The following RRAGB variants were observed in gnomAD, a reference collection of about 807,000 sequenced individuals.
The protein encoded by RRAGB is ras-related GTP-binding protein B.
Under a neutral mutation model 29.3 loss-of-function variants are expected in RRAGB, and 6 were observed. That is an observed-to-expected ratio of 0.21 (90% CI 0.11 to 0.40). RRAGB has a LOEUF of 0.40. Ranked by LOEUF, RRAGB falls within the 10% of genes least tolerant of loss-of-function variation. The probability of loss-of-function intolerance (pLI) is 1.00; values close to 1 mark genes in which losing one functional copy is unlikely to be tolerated. For missense variants in RRAGB, 184 were observed against 272.9 expected (o/e 0.67, Z 2.29); for synonymous variants, 101 against 92.5 (o/e 1.09, Z -0.53).
At chrX:55,746,589 T>C (rs1010981651) in intron 5 of RRAGB, among the ~76,000 whole-genome samples, 2 of 112,498 alleles carry the variant, frequency 1.8e-5, no homozygotes, top group African/African-American at 6.5e-5. Flanking sequence ...TTCATAGTCA[T>C]GATGAAAGAA....
chrX:55,732,298 C>G (rs1017514335), intron 5 of RRAGB, among the ~76,000 whole-genome samples: 1 of 112,110 alleles, frequency 8.9e-6, no homozygotes, highest in Non-Finnish European at 1.9e-5. Context: ...GTCATATAGT[C>G]TAGCTGCAAT....
chrX:55,737,194 G>A (rs1261514026), intron 5 of RRAGB, among the ~76,000 whole-genome samples: 4 of 112,301 alleles, frequency 3.6e-5, no homozygotes, highest in Non-Finnish European at 1.9e-5. Context: ...TCCCAGGCCA[G>A]CAGGAAAGCC....
intron 3 of RRAGB, among the ~76,000 whole-genome samples, chrX:55,722,798 G>A (rs954363245): frequency 1.6e-4 from 18 of 111,764 alleles, no homozygotes; most frequent in Admixed American, 7.6e-4. Flanking sequence ...TTCTGACTTA[G>A]GGAATATGTT....
intron 2 of RRAGB, among the ~76,000 whole-genome samples, chrX:55,720,846 C>T (rs184864354): frequency 0.014 from 1,570 of 109,833 alleles, 23 homozygotes; most frequent in Non-Finnish European, 0.022. Flanking sequence ...CCACAGCCCT[C>T]CAGCCTGGAT....
chrX:55,753,816 G>A (rs2034586588), intron 7 of RRAGB, among the ~76,000 whole-genome samples: 1 of 112,077 alleles, frequency 8.9e-6, no homozygotes, highest in South Asian at 3.7e-4. Flanking sequence ...AGGCCGAGGC[G>A]GGTGGATCAC....
intron 5 of RRAGB, among the ~76,000 whole-genome samples, chrX:55,747,742 T>C (rs2034291869): frequency 9.0e-6 from 1 of 111,410 alleles, no homozygotes; most frequent in African/African-American, 3.3e-5. Context: ...CATTAGGGCC[T>C]TTAAATCTAA....
rs899885688 is a variant in RRAGB, at chrX:55,755,103, C to T, written c.736-738C>T. On this transcript the variant is annotated intron_variant, in intron 7 of 9. Transcript: ENST00000374941. ...GATGTGACTGAACATTTTCACTGAG[C>T]GGGGTGAAGTCAAGCAAGGGGGATT... The T allele has an allele frequency of 2.0e-5, 15 of 750,601 alleles. No homozygotes were observed. In the Admixed American group the frequency reaches 4.4e-4, roughly 22 times the overall value. The allele number at this position is 750,601 out of a possible 1,213,427, so 61.9% of individuals were successfully genotyped here. A position where few individuals can be genotyped will look rare whatever the true frequency, so the allele number is the denominator to read the frequency against.
rs749737907 is a variant in RRAGB at position 55,731,600 on chromosome X, G to A, written c.516+14G>A. ...CAACGGGACCTGGTAAGAAACAGAA[G>A]AAGTGCTGCACCAAATGCTCGACAT... On this transcript the variant is annotated intron_variant, in intron 5 of 9. Coordinates refer to ENST00000374941, the MANE Select transcript of RRAGB (RefSeq NM_006064.5). 2.8e-6 allele frequency: 3 copies of A among 1,089,629 alleles called. No individual in the cohort carries two copies. The highest frequency in any genetic ancestry group is 6.1e-5 in the East Asian group (2 of 32,826). The allele number at this position is 1,089,629 out of a possible 1,213,427, so 89.8% of individuals were successfully genotyped here. A position where few individuals can be genotyped will look rare whatever the true frequency, so the allele number is the denominator to read the frequency against.
intron 6 of RRAGB, among the ~76,000 whole-genome samples, chrX:55,751,857 C>T (rs1272322868): frequency 9.0e-6 from 1 of 111,177 alleles, no homozygotes; most frequent in Non-Finnish European, 1.9e-5. Flanking sequence ...TCCCTTTCTC[C>T]TACTGATCTA....
intron 7 of RRAGB, chrX:55,755,616 G>A (rs898424649): frequency 1.3e-6 from 1 of 746,769 alleles, no homozygotes; most frequent in African/African-American, 2.3e-5. Context: ...ATACGTAAAT[G>A]ATTTAATTAT....
chrX:55,740,048 G>A (rs1055203115), intron 5 of RRAGB, among the ~76,000 whole-genome samples: 1 of 112,079 alleles, frequency 8.9e-6, no homozygotes, highest in African/African-American at 3.2e-5. Flanking sequence ...TTTGCCGGGC[G>A]CGGTGGCTCA....
rs750301505 is a variant in RRAGB at position 55,731,551 on chromosome X, A to G, written c.481A>G (p.Lys161Glu). The change falls in exon 5 of 10, where the codon AAA (lysine) becomes GAA (glutamate). Residue 161 changes from lysine to glutamate, a missense_variant. Transcript: ENST00000374941. ...PDAKIFCLVH[K>E]MDLVQEDQRD... ...TGCCAAAATATTTTGCTTGGTACAC[A>G]AAATGGATCTGGTACAGGAGGATCA... 8.3e-7 allele frequency: 1 copy of G among 1,204,774 alleles called. No homozygotes were observed. The highest frequency in any genetic ancestry group is 1.1e-6 in the Non-Finnish European group (1 of 890,750).
At chrX:55,729,737 G>A (rs779784666) in intron 4 of RRAGB, among the ~76,000 whole-genome samples, 95 of 112,121 alleles carry the variant, frequency 8.5e-4, no homozygotes, top group Non-Finnish European at 1.2e-3. Flanking sequence ...TCTCCAGGCA[G>A]TCTCAATACT....
intron 7 of RRAGB, among the ~76,000 whole-genome samples, chrX:55,754,755 C>T (rs1273175770): frequency 8.9e-6 from 1 of 111,922 alleles, no homozygotes. Context: ...TTATTTGTAA[C>T]CCCAGAGGTA....
chrX:55,751,265 C>T (rs2034518781), intron 6 of RRAGB, 69 bp downstream of exon 6: 1 of 560,334 alleles, frequency 1.8e-6, no homozygotes, highest in South Asian at 3.8e-5. Flanking sequence ...TATTAACAAA[C>T]CTAAAAGATT....
At chrX:55,748,583 G>A (rs768556579) in intron 5 of RRAGB, among the ~76,000 whole-genome samples, 3 of 111,232 alleles carry the variant, frequency 2.7e-5, no homozygotes, top group East Asian at 5.8e-4. Flanking sequence ...GGTGAGGAGC[G>A]TCTCTGCCCA....
At chrX:55,741,015 C>T (rs1443405336) in intron 5 of RRAGB, among the ~76,000 whole-genome samples, 1 of 97,591 alleles carries the variant, frequency 1.0e-5, no homozygotes, top group African/African-American at 3.4e-5. Context: ...GAAGACAACA[C>T]TTCAAAATGA....
intron 3 of RRAGB, among the ~76,000 whole-genome samples, chrX:55,728,797 G>A (rs906136996): frequency 9.0e-6 from 1 of 110,978 alleles, no homozygotes; most frequent in African/African-American, 3.3e-5. Flanking sequence ...AGATTACAAA[G>A]GATTAGCAAT....
chrX:55,734,612 A>G (rs779937926), intron 5 of RRAGB, among the ~76,000 whole-genome samples: 1 of 109,368 alleles, frequency 9.1e-6, no homozygotes, highest in South Asian at 3.8e-4. Flanking sequence ...TTTATTTTCA[A>G]TTTTCTTGAG....
Sources: gnomAD v4.1 joint callset for allele counts (sites outside exome capture counted in the v4.1 genomes callset) on GRCh38, gnomAD v4.1.1 for gene constraint, MANE v1.5 for transcripts, NCBI Gene and HGNC (gene_info 2026-07-23, HGNC 2026-07-21) for gene names.